Variants in ABRAXAS2 observed in about 807,000 individuals in gnomAD.
ABRAXAS2 encodes the protein abraxas 2, BRISC complex subunit.
A neutral mutation model predicts 49.0 loss-of-function variants in ABRAXAS2; 23 were observed. The ratio of observed to expected loss-of-function variants is 0.47; its 90% CI spans 0.34 to 0.66. The LOEUF (loss-of-function observed/expected upper bound fraction) is 0.66. Among genes scored for constraint, ABRAXAS2 ranks in the 30% least tolerant of loss-of-function variants. The pLI, the probability that ABRAXAS2 is intolerant of heterozygous loss-of-function variation, is 0.01. For missense variants in ABRAXAS2, 443 were observed against 511.9 expected, an observed-to-expected ratio of 0.87 and a Z score of 1.30; for synonymous variants, 168 against 180.2, an observed-to-expected ratio of 0.93 and a Z score of 0.54.
intron 4 of ABRAXAS2, among the ~76,000 whole-genome samples, chr10:124,823,473 C>T (rs756407790): frequency 7.2e-5 from 11 of 152,158 alleles, no homozygotes; most frequent in Non-Finnish European, 1.6e-4. Flanking sequence ...TAGGCTAAGG[C>T]CAAACAAAGC....
At chr10:124,815,965 C>T (rs1194923912) in intron 2 of ABRAXAS2, among the ~76,000 whole-genome samples, 2 of 147,634 alleles carry the variant, frequency 1.4e-5, no homozygotes, top group African/African-American at 2.5e-5. Context: ...TGCAGTGGCG[C>T]GATCTCTGCT....
chr10:124,820,646 T>A (rs1316523557), intron 4 of ABRAXAS2, among the ~76,000 whole-genome samples: 1 of 152,016 alleles, frequency 6.6e-6, no homozygotes, highest in Non-Finnish European at 1.5e-5. Flanking sequence ...CACACCTGGC[T>A]AATTTTTACA....
chr10:124,801,990 GCTCGCC>G (rs1950708069), intron 1 of ABRAXAS2, 89 bp downstream of exon 1: 4 of 1,372,908 alleles, frequency 2.9e-6, no homozygotes, highest in Non-Finnish European at 4.1e-6. Flanking sequence ...ACCTCATGCG[GCTCGCC>G]CCCTGGGCAC....
chr10:124,823,382 A>T (rs1950874901), intron 4 of ABRAXAS2, among the ~76,000 whole-genome samples: 1 of 152,258 alleles, frequency 6.6e-6, no homozygotes, highest in Non-Finnish European at 1.5e-5. Flanking sequence ...ATCTGCCAGT[A>T]GGTACAGTTT....
At chr10:124,821,325 G>A (rs1045811652) in intron 4 of ABRAXAS2, among the ~76,000 whole-genome samples, 1 of 152,106 alleles carries the variant, frequency 6.6e-6, no homozygotes, top group African/African-American at 2.4e-5. Context: ...CCAGCACTTG[G>A]GGAGGCGGAG....
chr10:124,832,979 C>T (rs1464440383), intron 8 of ABRAXAS2, among the ~76,000 whole-genome samples: 2 of 148,966 alleles, frequency 1.3e-5, no homozygotes, highest in Non-Finnish European at 3.0e-5. Context: ...AATCCTGTCT[C>T]TACTAAAAAT....
At chr10:124,806,291 GC>G (rs1178134487) in intron 1 of ABRAXAS2, among the ~76,000 whole-genome samples, 1 of 149,534 alleles carries the variant, frequency 6.7e-6, no homozygotes, top group Non-Finnish European at 1.5e-5. Flanking sequence ...GGGTGACAGA[GC>G]AAGATTCCGT....
At chr10:124,816,493 TAA>T (rs11451694) in intron 2 of ABRAXAS2, 81 bp from the exon 3 acceptor site, 11 of 635,148 alleles carry the variant, frequency 1.7e-5, no homozygotes, top group Admixed American at 1.2e-4. Flanking sequence ...AGATTTTGAT[TAA>T]AAAAAAAAGT....
At chr10:124,813,680 A>G (rs939786632) in intron 2 of ABRAXAS2, among the ~76,000 whole-genome samples, 1 of 152,150 alleles carries the variant, frequency 6.6e-6, no homozygotes, top group African/African-American at 2.4e-5. Flanking sequence ...CTGTTTTTCC[A>G]TGAGTGCTTA....
chr10:124,816,092 G>A (rs1403968126), intron 2 of ABRAXAS2, among the ~76,000 whole-genome samples: 2 of 151,736 alleles, frequency 1.3e-5, no homozygotes, highest in East Asian at 1.9e-4. Context: ...TAGTAGAGAC[G>A]GGGTTTCACC....
chr10:124,826,034 T>C (rs1476778107), intron 4 of ABRAXAS2, among the ~76,000 whole-genome samples: 1 of 152,254 alleles, frequency 6.6e-6, no homozygotes, highest in Non-Finnish European at 1.5e-5. Flanking sequence ...AGTTTAGTTA[T>C]GCTATAGTTA....
chr10:124,834,600 A>G lies in ABRAXAS2; in HGVS notation c.877A>G (p.Arg293Gly). 1 of 1,614,198 alleles carries G rather than the reference A, an allele frequency of 6.2e-7. No individual in the cohort carries two copies. Among genetic ancestry groups the G allele is most frequent in the Non-Finnish European group, 8.5e-7 (1 of 1,180,022 alleles). Residue 293 changes from arginine to glycine, a missense_variant, in exon 9 of 9, where the codon AGA (arginine) becomes GGA (glycine). By Grantham distance (125) the Arg-to-Gly change is moderately radical. Transcript: ENST00000298492. ...MPSSGFAAEG[R>G]STLGDAEASD... ...GTCCTCTGGGTTTGCAGCTGAAGGC[A>G]GAAGTACACTTGGAGATGCAGAGGC... is the stretch of plus-strand genomic sequence containing the variant.
intron 4 of ABRAXAS2, among the ~76,000 whole-genome samples, chr10:124,825,708 G>T (rs892900381): frequency 5.9e-5 from 9 of 152,170 alleles, no homozygotes; most frequent in Admixed American, 1.3e-4. Context: ...CTCAGAGTTG[G>T]TTTCAAAGAA....
chr10:124,815,627 T>C (rs980855953), intron 2 of ABRAXAS2, among the ~76,000 whole-genome samples: 4 of 152,194 alleles, frequency 2.6e-5, no homozygotes, highest in African/African-American at 9.7e-5. Context: ...TTTCATGGTC[T>C]TATAAAGAAA....
rs75626728 is a variant in ABRAXAS2, at chr10:124,832,255, T to A, written c.778+792T>A. ...AAAGGTTTTAAATGTCTAGTTTTGG[T>A]AGCCATGGATGAATAGACACCATTA... is the stretch of plus-strand genomic sequence containing the variant. On this transcript the variant is annotated intron_variant, in intron 8 of 8. Coordinates refer to ENST00000298492, the MANE Select transcript of ABRAXAS2 (RefSeq NM_032182.4). Among the ~76,000 whole-genome samples, 965 of 152,220 alleles carry A rather than the reference T, an allele frequency of 6.3e-3. 19 individuals are homozygous for A. Among genetic ancestry groups the A allele is most frequent in the African/African-American group, 0.022 (929 of 41,512 alleles).
intron 2 of ABRAXAS2, among the ~76,000 whole-genome samples, chr10:124,807,342 A>G (rs1299640038): frequency 6.8e-6 from 1 of 146,576 alleles, no homozygotes; most frequent in South Asian, 2.2e-4. Context: ...AAAAGAATTC[A>G]AAGAGTATGT....
rs187813124 is a variant in ABRAXAS2 at position 124,832,674 on chromosome 10, G to A, written c.778+1211G>A. The stretch of plus-strand genomic sequence containing the variant: ...AGCCTGGCCAAAGTGGTGATACCTC[G>A]TCTGTACTAAAAATACAAAAATTAG... On this transcript the variant is annotated intron_variant, in intron 8 of 8. Transcript: ENST00000298492. Among the ~76,000 whole-genome samples the A allele has an allele frequency of 2.6e-5, 4 of 151,774 alleles. No homozygotes were observed. The East Asian group carries it at 5.9e-4, about 22-fold the overall frequency.
At chr10:124,822,875 AAGG>A in intron 4 of ABRAXAS2, among the ~76,000 whole-genome samples, 1 of 151,714 alleles carries the variant, frequency 6.6e-6, no homozygotes, top group East Asian at 1.9e-4. Flanking sequence ...TGGCATTTTT[AAGG>A]AGGTTTGCTG....
chr10:124,828,505 C>T (rs1308825727), intron 5 of ABRAXAS2, among the ~76,000 whole-genome samples: 1 of 152,078 alleles, frequency 6.6e-6, no homozygotes, highest in Non-Finnish European at 1.5e-5. Flanking sequence ...GCTGAGACTA[C>T]AGGTGTGCAC....
Sources: gnomAD v4.1 joint callset for allele counts (sites outside exome capture counted in the v4.1 genomes callset) on GRCh38, gnomAD v4.1.1 for gene constraint, MANE v1.5 for transcripts, NCBI Gene and HGNC (gene_info 2026-07-23, HGNC 2026-07-21) for gene names.